PARP16: variants seen among roughly 807,000 people sequenced by gnomAD.
PARP16 encodes protein mono-ADP-ribosyltransferase PARP16.
In PARP16, 31 loss-of-function variants were observed where a neutral mutation model predicts 35.0. The observed-to-expected ratio is 0.88, with a 90% CI of 0.66 to 1.19. PARP16 has a LOEUF of 1.19. Among genes scored for constraint, PARP16 ranks in the 50% most tolerant of loss-of-function variants. The pLI, the probability that PARP16 is intolerant of heterozygous loss-of-function variation, is 0.00. For synonymous variants in PARP16, 162 were observed against 169.5 expected, an observed-to-expected ratio of 0.96 and a Z score of 0.34; for missense variants, 424 against 411.2, an observed-to-expected ratio of 1.03 and a Z score of -0.27.
chr15:65,267,536 G>A (rs949399363), intron 2 of PARP16, among the ~76,000 whole-genome samples: 3 of 151,434 alleles, frequency 2.0e-5, no homozygotes, highest in Non-Finnish European at 4.4e-5. Flanking sequence ...GAACCCAGGA[G>A]GCAGAGCTTG....
chr15:65,264,490 G>A (rs1312487984), intron 3 of PARP16, among the ~76,000 whole-genome samples: 1 of 152,172 alleles, frequency 6.6e-6, no homozygotes, highest in Non-Finnish European at 1.5e-5. Flanking sequence ...AGTAGCACCA[G>A]GCTTCCAAAA....
intron 3 of PARP16, among the ~76,000 whole-genome samples, 190 bp from the exon 4 acceptor site, chr15:65,263,510 C>T (rs981673596): frequency 1.9e-4 from 29 of 152,170 alleles, no homozygotes; most frequent in African/African-American, 7.0e-4. Context: ...CACATTCCTG[C>T]CTGACAACAG....
intron 3 of PARP16, among the ~76,000 whole-genome samples, chr15:65,240,847 T>G (rs2089055276): frequency 6.6e-6 from 1 of 152,200 alleles, no homozygotes; most frequent in Non-Finnish European, 1.5e-5. Context: ...ATTTTTATTG[T>G]TTTGAGACAG....
chr15:65,283,334 C>T (rs138078740), intron 1 of PARP16, among the ~76,000 whole-genome samples: 1 of 152,170 alleles, frequency 6.6e-6, no homozygotes, highest in Non-Finnish European at 1.5e-5. Context: ...ACACTCCTCC[C>T]AAACAGGTCC....
downstream of PARP16, among the ~76,000 whole-genome samples, chr15:65,231,953 C>A (rs117315096): frequency 1.2e-3 from 175 of 152,036 alleles, no homozygotes; most frequent in Non-Finnish European, 2.3e-3. Flanking sequence ...TTTAAGATAT[C>A]TTTTCACTGA....
intron 3 of PARP16, among the ~76,000 whole-genome samples, chr15:65,266,054 G>A (rs895495978): frequency 1.3e-5 from 2 of 151,964 alleles, no homozygotes; most frequent in Non-Finnish European, 2.9e-5. Flanking sequence ...TCAGCCTCCC[G>A]AGTAGCTGGG....
At chr15:65,281,648 G>A (rs1021304302) in intron 1 of PARP16, among the ~76,000 whole-genome samples, 6 of 148,342 alleles carry the variant, frequency 4.0e-5, no homozygotes, top group African/African-American at 1.2e-4. Flanking sequence ...CCGAGACCGC[G>A]CCATTGCACT....
At chr15:65,248,367 A>C in intron 2 of PARP16, 1 of 442,814 alleles carries the variant, frequency 2.3e-6, no homozygotes, top group Non-Finnish European at 4.6e-6. Context: ...CATATTATTT[A>C]CACCAAAATA....
chr15:65,256,196 T>C (rs1033441416), downstream of PARP16, among the ~76,000 whole-genome samples: 3 of 152,128 alleles, frequency 2.0e-5, no homozygotes, highest in African/African-American at 4.8e-5. Context: ...CTCTGCTCTG[T>C]TGGGCCCTTA....
chr15:65,269,341 C>T (rs149621138), intron 2 of PARP16, among the ~76,000 whole-genome samples: 1 of 152,074 alleles, frequency 6.6e-6, no homozygotes, highest in Non-Finnish European at 1.5e-5. Context: ...GGATTACAGG[C>T]TCCCGCCACC....
rs1160061679 is a variant in PARP16, at chr15:65,259,206, GGAC to G, written c.*198_*200del. On this transcript the variant is annotated 3_prime_UTR_variant, in exon 6 of 6. Coordinates refer to ENST00000649807, the MANE Select transcript of PARP16 (RefSeq NM_001316943.2). ...GACTCCCCTAAAACCTAAGAGTGAG[GGAC>G]TAGTAGTCCCCGTTGACTGGAGTAT... The G allele has an allele frequency of 8.0e-6, 5 of 621,910 alleles. No individual in the cohort carries two copies. The highest frequency in any genetic ancestry group is 1.4e-5 in the Non-Finnish European group (5 of 345,074). The allele number at this position is 621,910 out of a possible 1,614,324, so 38.5% of individuals were successfully genotyped here. A position where few individuals can be genotyped will look rare whatever the true frequency, so the allele number is the denominator to read the frequency against.
At chr15:65,235,310 C>A (rs547047030) in intron 3 of PARP16, among the ~76,000 whole-genome samples, 10 of 149,196 alleles carry the variant, frequency 6.7e-5, no homozygotes, top group South Asian at 2.1e-4. Flanking sequence ...CCGTCCCCCC[C>A]AAAAAAAATT....
chr15:65,279,829 C>G (rs372764916), intron 1 of PARP16, among the ~76,000 whole-genome samples: 3 of 151,506 alleles, frequency 2.0e-5, no homozygotes, highest in African/African-American at 7.3e-5. Context: ...AATGCCAAGG[C>G]TGCACTTTAA....
At chr15:65,246,995 A>AT (rs34236365) in intron 3 of PARP16, among the ~76,000 whole-genome samples, 15 of 150,576 alleles carry the variant, frequency 1.0e-4, no homozygotes, top group Admixed American at 4.6e-4. Context: ...ATGCTCAACA[A>AT]TTTTTTTTTT....
At chr15:65,275,121 A>AG in intron 1 of PARP16, among the ~76,000 whole-genome samples, 1 of 152,270 alleles carries the variant, frequency 6.6e-6, no homozygotes, top group Non-Finnish European at 1.5e-5. Flanking sequence ...TCTCAAAAAA[A>AG]AAAAAGCAGC....
chr15:65,249,032 C>T lies in PARP16; in HGVS notation c.203-804G>A, dbSNP rs963369264. Among the ~76,000 whole-genome samples the T allele has an allele frequency of 2.6e-5, 4 of 152,198 alleles. No individual in the cohort carries two copies. The South Asian group carries it at 8.3e-4, about 31-fold the overall frequency. The stretch of plus-strand genomic sequence containing the variant: ...GAATAGCGCTTTTCCAGAAGCCTTG[C>T]TTCCTTAGGAAACCGCTCAGCCACC... On this transcript the variant is annotated intron_variant and NMD_transcript_variant, in intron 2 of 3. Coordinates refer to the PARP16 transcript ENST00000559805.
downstream of PARP16, among the ~76,000 whole-genome samples, chr15:65,255,685 T>A (rs11630562): frequency 1.3e-5 from 2 of 149,488 alleles, no homozygotes; most frequent in East Asian, 3.9e-4. Flanking sequence ...TTACCATTTC[T>A]TCTTTTTGCA....
At chr15:65,263,413 AAC>A in intron 3 of PARP16, 93 bp from the exon 4 acceptor site, 2 of 1,064,076 alleles carry the variant, frequency 1.9e-6, no homozygotes, top group South Asian at 3.2e-5. Context: ...AAGAGTTGTA[AAC>A]ACAAAATGTA....
At chr15:65,285,363 T>G (rs1006155604) in intron 1 of PARP16, 2 of 176,458 alleles carry the variant, frequency 1.1e-5, no homozygotes, top group African/African-American at 4.8e-5. Context: ...GGTCTTGAAC[T>G]CCCAACCTCA....
Sources: gnomAD v4.1 joint callset for allele counts (sites outside exome capture counted in the v4.1 genomes callset) on GRCh38, gnomAD v4.1.1 for gene constraint, MANE v1.5 for transcripts, NCBI Gene and HGNC (gene_info 2026-07-23, HGNC 2026-07-21) for gene names.